The following TXNRD3 variants were observed in gnomAD, a reference collection of about 807,000 sequenced individuals.
TXNRD3 encodes thioredoxin reductase 3.
In TXNRD3, 68 loss-of-function variants were observed where a neutral mutation model predicts 78.2. The ratio of observed to expected loss-of-function variants is 0.87; its 90% CI spans 0.72 to 1.06. The LOEUF is 1.06. TXNRD3 is among the 50% of genes least tolerant of loss of function. The probability of loss-of-function intolerance (pLI) is 0.00; values close to 1 mark genes in which losing one functional copy is unlikely to be tolerated. For missense variants in TXNRD3, 751 were observed against 809.5 expected, an observed-to-expected ratio of 0.93 and a Z score of 0.88; for synonymous variants, 296 against 300.1, an observed-to-expected ratio of 0.99 and a Z score of 0.14.
chr3:126,631,936 T>C, intron 7 of TXNRD3, 57 bp from the exon 8 acceptor site: 1 of 1,171,784 alleles, frequency 8.5e-7, no homozygotes, highest in Non-Finnish European at 1.2e-6. Context: ...CCAGACACCC[T>C]GGACAAAATA....
chr3:126,654,229 T>C (rs1168348532), intron 1 of TXNRD3, among the ~76,000 whole-genome samples: 1 of 152,184 alleles, frequency 6.6e-6, no homozygotes, highest in Non-Finnish European at 1.5e-5. Context: ...CTCAACCCAA[T>C]AGTTTATGCT....
chr3:126,608,629 C>T lies in TXNRD3; in HGVS notation c.1733G>A (p.Arg578Gln), dbSNP rs1488608833. ...TCCAAGAATATGAAATCCTATCACCCGATCCTTTAATACAGAAACAAAACA... is the reference window on the plus strand; with the variant it reads ...TCCAAGAATATGAAATCCTATCACCTGATCCTTTAATACAGAAACAAAACA... Residue 578 changes from arginine to glutamine, a missense_variant, in exon 15 of 16, where the codon CGG (arginine) becomes CAG (glutamine). Arg to Gln is a conservative substitution (Grantham distance 43, BLOSUM62 1). Coordinates refer to ENST00000524230, the MANE Select transcript of TXNRD3 (RefSeq NM_052883.3). 9.8e-6 allele frequency: 15 copies of T among 1,534,750 alleles called. No homozygotes were observed. Among genetic ancestry groups the T allele is most frequent in the South Asian group, 9.6e-5 (8 of 83,728 alleles).
intron 9 of TXNRD3, 125 bp downstream of exon 9, chr3:126,630,587 A>T: frequency 9.6e-7 from 1 of 1,042,730 alleles, no homozygotes; most frequent in Non-Finnish European, 1.4e-6. Flanking sequence ...GGCTCTGTAG[A>T]CTTGGGAGTG....
rs75106314 is a variant in TXNRD3 at position 126,616,976 on chromosome 3, C to T, written c.1525-1514G>A. 2.8e-3 allele frequency among the ~76,000 whole-genome samples: 422 copies of T among 152,290 alleles called. 3 individuals carry two copies. Among genetic ancestry groups the T allele is most frequent in the African/African-American group, 9.4e-3 (392 of 41,560 alleles). ...TGTGAACTGCCTGGGTATTTTCTGA[C>T]TTCTCTGAGGCACTCACATGTTGCC... On this transcript the variant is annotated intron_variant, in intron 12 of 15. Coordinates refer to ENST00000524230, the MANE Select transcript of TXNRD3 (RefSeq NM_052883.3).
Position 126,607,235 on chromosome 3 carries a change from G to C in TXNRD3, c.*670C>G, listed in dbSNP as rs999719363. 6.6e-6 allele frequency: 1 copy of C among 152,180 alleles called. No homozygotes were observed. Among genetic ancestry groups the C allele is most frequent in the Non-Finnish European group, 1.5e-5 (1 of 68,036 alleles). 9.4% of individuals were successfully genotyped at this position (152,180 alleles called of 1,614,324 possible). ...TACATGAGATATTTTGCTCAGTCTC[G>C]AGATATTAATTAGGGGAGAATAGCT... On this transcript the variant is annotated 3_prime_UTR_variant, in exon 16 of 16. Transcript: ENST00000524230.
Position 126,631,841 on chromosome 3 carries a change from A to T in TXNRD3, c.894T>A (p.Ala298=). The T allele has an allele frequency of 1.3e-6, 2 of 1,536,100 alleles. No homozygotes were observed. Among genetic ancestry groups the T allele is most frequent in the Non-Finnish European group, 1.7e-6 (2 of 1,146,824 alleles). ...CACCCGTTGCTATGACAAACTGTGC[A>T]GCAGTATAATAAGTCTCCTGTCCTT... The change falls in exon 8 of 16, where the codon GCT becomes GCA. Residue 298 remains alanine, a synonymous_variant. Coordinates refer to ENST00000524230, the MANE Select transcript of TXNRD3 (RefSeq NM_052883.3).
chr3:126,619,104 T>C (rs978784416), intron 12 of TXNRD3, among the ~76,000 whole-genome samples: 1 of 152,086 alleles, frequency 6.6e-6, no homozygotes, highest in Non-Finnish European at 1.5e-5. Flanking sequence ...AACTCTTACA[T>C]ACTGTTAGTG....
chr3:126,644,224 T>A (rs1461175018), intron 4 of TXNRD3, 73 bp downstream of exon 4: 1 of 1,414,378 alleles, frequency 7.1e-7, no homozygotes, highest in Non-Finnish European at 9.6e-7. Context: ...TTTGTTTTTT[T>A]TTAAGTAGCA....
chr3:126,642,933 C>T (rs1254719080), intron 5 of TXNRD3, among the ~76,000 whole-genome samples: 1 of 152,080 alleles, frequency 6.6e-6, no homozygotes, highest in Non-Finnish European at 1.5e-5. Flanking sequence ...GAAGGATTAA[C>T]AGAGAAATTA....
In TXNRD3 at chr3:126,608,634, C is replaced by T. The variant is rs867959233; in HGVS notation, c.1729-1G>A. The T allele has an allele frequency of 2.0e-6, 3 of 1,533,354 alleles. No individual in the cohort carries two copies. Among genetic ancestry groups the T allele is most frequent in the Middle Eastern group, 1.7e-4 (1 of 5,980 alleles). The allele number at this position is 1,533,354 out of a possible 1,614,324, so 95.0% of individuals were successfully genotyped here. A position where few individuals can be genotyped will look rare whatever the true frequency, so the allele number is the denominator to read the frequency against. On this transcript the variant is annotated splice_acceptor_variant, in intron 14 of 15. Transcript: ENST00000524230. LOFTEE classifies it high-confidence loss of function. ...GAATATGAAATCCTATCACCCGATC[C>T]TTTAATACAGAAACAAAACAAAGAG... is the stretch of plus-strand genomic sequence containing the variant.
intron 5 of TXNRD3, 104 bp from the exon 6 acceptor site, chr3:126,642,255 G>A (rs1040314419): frequency 1.8e-5 from 24 of 1,338,188 alleles, no homozygotes; most frequent in Non-Finnish European, 2.3e-5. Flanking sequence ...CAATGGTGGG[G>A]GGGATGACAC....
At chr3:126,632,496 A>G (rs987418614) in intron 7 of TXNRD3, among the ~76,000 whole-genome samples, 14 of 151,672 alleles carry the variant, frequency 9.2e-5, no homozygotes, top group African/African-American at 3.4e-4. Context: ...ATCTCTACTT[A>G]AAAAAACACA....
chr3:126,654,422 A>G lies in TXNRD3; in HGVS notation c.243+326T>C, dbSNP rs114422491. ...AATGCCGGATTCCTAGTCCGCCCCGAAAAGTTAAGGCAGTGTGCATGAAGC... is the reference window on the plus strand; with the variant it reads ...AATGCCGGATTCCTAGTCCGCCCCGGAAAGTTAAGGCAGTGTGCATGAAGC... On this transcript the variant is annotated intron_variant, in intron 1 of 15. Transcript: ENST00000524230. Among the ~76,000 whole-genome samples the G allele has an allele frequency of 2.3e-3, 348 of 152,342 alleles. 3 individuals are homozygous for G. In the South Asian group the frequency reaches 0.027, roughly 12 times the overall value.
intron 13 of TXNRD3, 147 bp from the exon 14 acceptor site, chr3:126,611,279 GGA>G (rs572978063): frequency 7.0e-5 from 33 of 468,552 alleles, no homozygotes; most frequent in African/African-American, 5.0e-4. Flanking sequence ...GTATCTGTTG[GGA>G]GCCCCAGGGT....
rs1417432545 is a variant in TXNRD3, at chr3:126,642,080, G to T, written c.664C>A (p.Gln222Lys). 1 of 1,535,774 alleles carries T rather than the reference G, an allele frequency of 6.5e-7. No homozygotes were observed. The highest frequency in any genetic ancestry group is 2.4e-5 in the East Asian group (1 of 40,880). Residue 222 changes from glutamine to lysine, a missense_variant, in exon 6 of 16, where the codon CAG becomes AAG. Coordinates refer to ENST00000524230, the MANE Select transcript of TXNRD3 (RefSeq NM_052883.3). ...AATTTCCTTGAGTCACATAATGCCTGCCCCAAAAGGGCAGCCTGATGCATC... is the reference window on the plus strand; with the variant it reads ...AATTTCCTTGAGTCACATAATGCCTTCCCCAAAAGGGCAGCCTGATGCATC...
Position 126,636,432 on chromosome 3 carries a change from C to T in TXNRD3, c.713-2381G>A, listed in dbSNP as rs1314976525. Among the ~76,000 whole-genome samples, 4 of 152,022 alleles carry T rather than the reference C, an allele frequency of 2.6e-5. No individual in the cohort carries two copies. The South Asian group carries it at 6.2e-4, about 24-fold the overall frequency. ...CTGATTCTTGACTTAATTAAAATAC[C>T]CCAAGTTCTTCTCCAATAAGTATTG... On this transcript the variant is annotated intron_variant, in intron 6 of 15. Coordinates refer to ENST00000524230, the MANE Select transcript of TXNRD3 (RefSeq NM_052883.3).
chr3:126,642,660 G>T (rs1933122777), intron 5 of TXNRD3, among the ~76,000 whole-genome samples: 1 of 152,184 alleles, frequency 6.6e-6, no homozygotes, highest in Non-Finnish European at 1.5e-5. Flanking sequence ...AGATAAGTAG[G>T]ATTATTTCTG....
At chr3:126,651,315 T>A (rs1021780044) in intron 1 of TXNRD3, among the ~76,000 whole-genome samples, 7 of 152,142 alleles carry the variant, frequency 4.6e-5, no homozygotes, top group Non-Finnish European at 8.8e-5. Flanking sequence ...TTCTGCCCAC[T>A]GGAGCAATGC....
Position 126,644,306 on chromosome 3 carries a change from T to C in TXNRD3, c.510A>G (p.Ser170=). 6.5e-7 allele frequency: 1 copy of C among 1,536,370 alleles called. No homozygotes were observed. The highest frequency in any genetic ancestry group is 8.7e-7 in the Non-Finnish European group (1 of 1,146,872). Residue 170 remains serine, a synonymous_variant, in exon 4 of 16, where the codon TCA becomes TCG. Coordinates refer to ENST00000524230, the MANE Select transcript of TXNRD3 (RefSeq NM_052883.3). Reference sequence around the variant, plus strand: ...ATTTCTATATTCATACCTTCGCACATGAAAGGCCTCCAGAACCACCACCGA... The same window carrying C: ...ATTTCTATATTCATACCTTCGCACACGAAAGGCCTCCAGAACCACCACCGA...
Sources: gnomAD v4.1 joint callset for allele counts (sites outside exome capture counted in the v4.1 genomes callset) on GRCh38, gnomAD v4.1.1 for gene constraint, MANE v1.5 for transcripts, NCBI Gene and HGNC (gene_info 2026-07-23, HGNC 2026-07-21) for gene names.